The following MECOM variants were observed in gnomAD, a reference collection of about 807,000 sequenced individuals.
MECOM encodes the protein MDS1 and EVI1 complex locus.
MECOM carries 13 observed loss-of-function variants against 116.3 expected under a neutral mutation model. That is an observed-to-expected ratio of 0.11 (90% CI 0.07 to 0.18). The LOEUF (loss-of-function observed/expected upper bound fraction) is 0.18. Among genes scored for constraint, MECOM ranks in the 10% least tolerant of loss-of-function variants. MECOM has a pLI of 1.00. For synonymous variants in MECOM, 528 were observed against 535.2 expected (o/e 0.99, Z 0.19); for missense variants, 1,299 against 1,509.0 (o/e 0.86, Z 2.31).
At chr3:169,282,608 GC>G (rs1712324658) in intron 2 of MECOM, among the ~76,000 whole-genome samples, 1 of 152,024 alleles carries the variant, frequency 6.6e-6, no homozygotes, top group Non-Finnish European at 1.5e-5. Context: ...TTTATTAGGT[GC>G]CCAAATGTGA....
chr3:169,406,887 G>C (rs1244406680), intron 1 of MECOM, among the ~76,000 whole-genome samples: 1 of 148,860 alleles, frequency 6.7e-6, no homozygotes, highest in Non-Finnish European at 1.5e-5. Context: ...TGTCACCCAA[G>C]CTGGAGTGCA....
At chr3:169,278,492 A>C (rs1009878959) in intron 2 of MECOM, among the ~76,000 whole-genome samples, 25 of 152,248 alleles carry the variant, frequency 1.6e-4, no homozygotes, top group African/African-American at 5.3e-4. Context: ...ATTTATTTTG[A>C]GAATTGTAAC....
At chr3:169,140,164 C>A (rs1044900445) in intron 3 of MECOM, among the ~76,000 whole-genome samples, 1 of 152,140 alleles carries the variant, frequency 6.6e-6, no homozygotes, top group Non-Finnish European at 1.5e-5. Flanking sequence ...CCTGCTCTGC[C>A]TTTCAGGGCC....
At chr3:169,512,880 T>G (rs1049852146) in intron 1 of MECOM, among the ~76,000 whole-genome samples, 6 of 152,138 alleles carry the variant, frequency 3.9e-5, no homozygotes, top group African/African-American at 1.4e-4. Flanking sequence ...GAAACCAGGG[T>G]TGCTATATCA....
At chr3:169,332,909 T>C (rs1235754102) in intron 2 of MECOM, among the ~76,000 whole-genome samples, 1 of 151,900 alleles carries the variant, frequency 6.6e-6, no homozygotes, top group Non-Finnish European at 1.5e-5. Flanking sequence ...GGAGTGACAG[T>C]GGAAAAATTT....
intron 2 of MECOM, among the ~76,000 whole-genome samples, chr3:169,183,870 C>CT (rs1024696252): frequency 1.0e-4 from 12 of 116,846 alleles, no homozygotes; most frequent in South Asian, 3.7e-4. Flanking sequence ...TCTTTTTTCT[C>CT]TTTTTTTTTA....
At chr3:169,147,624 C>T (rs1242338336) in intron 2 of MECOM, 3 of 985,230 alleles carry the variant, frequency 3.0e-6, no homozygotes, top group Non-Finnish European at 3.6e-6. Flanking sequence ...TAGATTTCTC[C>T]GGGTAAACAA....
At chr3:169,556,071 A>C (rs1242017150) in intron 1 of MECOM, among the ~76,000 whole-genome samples, 1 of 152,210 alleles carries the variant, frequency 6.6e-6, no homozygotes, top group Non-Finnish European at 1.5e-5. Flanking sequence ...CTTTTTGGTT[A>C]GTGAAATGAC....
rs1776591289 is a variant in MECOM, at chr3:169,663,471, CCTG to C, written c.-102_-100del. 9.7e-6 allele frequency: 10 copies of C among 1,034,218 alleles called. No individual in the cohort carries two copies. The highest frequency in any genetic ancestry group is 2.8e-5 in the East Asian group (1 of 35,718). 64.1% of individuals were successfully genotyped at this position (1,034,218 alleles called of 1,614,324 possible). ...TCCCTCTCGCTCCCTCCCTCTCTCT[CCTG>C]TCTCTCTCTCTCTCTCTCTCTCTCT... On this transcript the variant is annotated 5_prime_UTR_variant, in exon 1 of 17. Transcript: ENST00000651503.
At chr3:169,602,769 A>C (rs745429807) in intron 1 of MECOM, among the ~76,000 whole-genome samples, 2 of 152,228 alleles carry the variant, frequency 1.3e-5, no homozygotes, top group Non-Finnish European at 2.9e-5. Flanking sequence ...TCCAGACCCC[A>C]CAGAGTCCTC....
intron 2 of MECOM, among the ~76,000 whole-genome samples, chr3:169,279,658 T>C (rs755629800): frequency 1.3e-5 from 2 of 152,244 alleles, no homozygotes; most frequent in Admixed American, 6.5e-5. Context: ...TTGTTTCATG[T>C]AGCATAATCA....
At chr3:169,362,193 GT>G (rs748641789) in intron 2 of MECOM, among the ~76,000 whole-genome samples, 50 of 151,788 alleles carry the variant, frequency 3.3e-4, no homozygotes, top group Non-Finnish European at 6.5e-4. Flanking sequence ...TATTTTGGAG[GT>G]TTTGTTTATT....
chr3:169,132,193 T>C (rs1401735486), intron 3 of MECOM, among the ~76,000 whole-genome samples: 1 of 152,124 alleles, frequency 6.6e-6, no homozygotes, highest in African/African-American at 2.4e-5. Context: ...ATTGGGGTGG[T>C]GGGGGTGGTG....
At chr3:169,502,188 G>T (rs1326532841) in intron 1 of MECOM, among the ~76,000 whole-genome samples, 1 of 152,032 alleles carries the variant, frequency 6.6e-6, no homozygotes, top group East Asian at 1.9e-4. Flanking sequence ...CAAGAAACTG[G>T]ATTCAAAAAC....
intron 9 of MECOM, among the ~76,000 whole-genome samples, chr3:169,108,254 A>G (rs1206711349): frequency 6.6e-6 from 1 of 152,200 alleles, no homozygotes; most frequent in Admixed American, 6.5e-5. Context: ...ACTACTTGCT[A>G]TAAAACAATA....
chr3:169,169,947 A>T (rs1744161738), intron 2 of MECOM, among the ~76,000 whole-genome samples: 1 of 151,996 alleles, frequency 6.6e-6, no homozygotes, highest in South Asian at 2.1e-4. Flanking sequence ...GGAAAATTAT[A>T]TTTAGGCATT....
intron 1 of MECOM, among the ~76,000 whole-genome samples, chr3:169,608,323 C>G (rs1768835934): frequency 1.3e-5 from 2 of 152,206 alleles, no homozygotes; most frequent in South Asian, 4.1e-4. Context: ...TTCCTGCATA[C>G]CCCTATGAGC....
chr3:169,135,177 T>A (rs1338226103), intron 3 of MECOM, among the ~76,000 whole-genome samples: 1 of 152,042 alleles, frequency 6.6e-6, no homozygotes, highest in Non-Finnish European at 1.5e-5. Flanking sequence ...CTCATTTTTG[T>A]GTTGGAGAAA....
At chr3:169,390,135 C>T (rs1577956310) in intron 1 of MECOM, among the ~76,000 whole-genome samples, 1 of 152,286 alleles carries the variant, frequency 6.6e-6, no homozygotes, top group East Asian at 1.9e-4. Context: ...CTTGGGGTCT[C>T]TGTTTCCCTA....
Sources: gnomAD v4.1 joint callset for allele counts (sites outside exome capture counted in the v4.1 genomes callset) on GRCh38, gnomAD v4.1.1 for gene constraint, MANE v1.5 for transcripts, NCBI Gene and HGNC (gene_info 2026-07-23, HGNC 2026-07-21) for gene names.